Variants in GPR83 observed in about 807,000 individuals in gnomAD.
GPR83 encodes the protein G protein-coupled receptor 83, also known as G-protein coupled receptor 72.
A neutral mutation model predicts 28.0 loss-of-function variants in GPR83; 23 were observed. That is an observed-to-expected ratio of 0.82 (90% CI 0.59 to 1.16). GPR83 has a LOEUF of 1.16. GPR83 is among the 50% of genes most tolerant of loss of function. The pLI is 0.00. For synonymous variants in GPR83, 234 were observed against 215.4 expected (o/e 1.09, Z -0.76); for missense variants, 610 against 536.6 (o/e 1.14, Z -1.35).
intron 1 of GPR83, among the ~76,000 whole-genome samples, chr11:94,397,536 T>C (rs767945808): frequency 2.0e-5 from 3 of 152,116 alleles, no homozygotes; most frequent in Non-Finnish European, 4.4e-5. Context: ...TACAGCAGGG[T>C]GTTTGCCACT....
At chr11:94,389,951 A>G (rs1286625905) in intron 3 of GPR83, among the ~76,000 whole-genome samples, 1 of 152,232 alleles carries the variant, frequency 6.6e-6, no homozygotes, top group Non-Finnish European at 1.5e-5. Context: ...CTGGATTAAG[A>G]AAATGTGGCA....
rs1944666808 is a variant in GPR83 at position 94,379,879 on chromosome 11, G to A, written c.*270C>T. On this transcript the variant is annotated 3_prime_UTR_variant, in exon 4 of 4. Coordinates refer to ENST00000243673, the MANE Select transcript of GPR83 (RefSeq NM_016540.4). ...TTCAGCCCCCATCTGGGCCAACGTT[G>A]TCCTCGCTCCTCTTCCTCAGAGATA... 6.7e-6 allele frequency: 2 copies of A among 300,270 alleles called. No individual in the cohort carries two copies. The highest frequency in any genetic ancestry group is 2.5e-4 in the South Asian group (2 of 8,036). The allele number at this position is 300,270 out of a possible 1,614,324, so 18.6% of individuals were successfully genotyped here. A position where few individuals can be genotyped will look rare whatever the true frequency, so the allele number is the denominator to read the frequency against.
chr11:94,401,278 T>G lies in GPR83; in HGVS notation c.-31A>C. On this transcript the variant is annotated 5_prime_UTR_variant, in exon 1 of 4. Coordinates refer to ENST00000243673, the MANE Select transcript of GPR83 (RefSeq NM_016540.4). ...AGGAGCCACCCCTCCCCTGGGAGCC[T>G]GCGGGCCGGGCGTCCCCTCCCGCTG... The G allele has an allele frequency of 6.5e-7, 1 of 1,548,514 alleles. No homozygotes were observed. Among genetic ancestry groups the G allele is most frequent in the Non-Finnish European group, 8.7e-7 (1 of 1,153,736 alleles).
intron 3 of GPR83, among the ~76,000 whole-genome samples, chr11:94,382,612 TAGAC>T (rs1445683654): frequency 2.0e-5 from 3 of 152,214 alleles, no homozygotes; most frequent in East Asian, 3.9e-4. Context: ...CTGTCAATAT[TAGAC>T]AGATCAATGA....
At chr11:94,385,468 G>A (rs1378334190) in intron 3 of GPR83, among the ~76,000 whole-genome samples, 2 of 152,134 alleles carry the variant, frequency 1.3e-5, no homozygotes, top group Non-Finnish European at 2.9e-5. Flanking sequence ...TAGACTAATG[G>A]CTAACTAGAA....
intron 2 of GPR83, among the ~76,000 whole-genome samples, chr11:94,395,584 C>T (rs75858165): frequency 1.6e-4 from 25 of 152,326 alleles, no homozygotes; most frequent in East Asian, 1.2e-3. Context: ...TAGGTCTAAG[C>T]GTACAACGTG....
intron 2 of GPR83, among the ~76,000 whole-genome samples, chr11:94,395,389 G>T (rs1224919593): frequency 6.6e-6 from 1 of 152,130 alleles, no homozygotes; most frequent in Non-Finnish European, 1.5e-5. Context: ...TGTGTCTGGT[G>T]GCCCTCATAA....
chr11:94,389,423 C>T (rs1427209553), intron 3 of GPR83, among the ~76,000 whole-genome samples: 1 of 152,178 alleles, frequency 6.6e-6, no homozygotes, highest in Non-Finnish European at 1.5e-5. Context: ...GCAATCTACT[C>T]ATCTGACAAA....
In GPR83 at chr11:94,401,120, GAGA is replaced by G. The variant is rs778291972; in HGVS notation, c.125_127del (p.Phe42del). On this transcript the variant is annotated inframe_deletion, in exon 1 of 4. Coordinates refer to ENST00000243673, the MANE Select transcript of GPR83 (RefSeq NM_016540.4). ...GTCGGAGAAGGTGTAGTTGTTCCAA[GAGA>G]AGAAGTGCGAGGCATTGGGCACGGC... The G allele has an allele frequency of 1.5e-5, 25 of 1,614,116 alleles. No homozygotes were observed. Among genetic ancestry groups the G allele is most frequent in the African/African-American group, 8.0e-5 (6 of 74,956 alleles).
At chr11:94,398,338 C>T (rs951118276) in intron 1 of GPR83, among the ~76,000 whole-genome samples, 18 of 152,290 alleles carry the variant, frequency 1.2e-4, no homozygotes, top group South Asian at 8.3e-4. Context: ...CTCCGCTTCT[C>T]CCTCCCCTGC....
At chr11:94,393,429 G>A (rs749950798) in intron 3 of GPR83, 56 bp downstream of exon 3, 23 of 1,565,724 alleles carry the variant, frequency 1.5e-5, no homozygotes, top group Non-Finnish European at 1.7e-5. Flanking sequence ...CCTTGGTGGA[G>A]CCTGACTCAG....
chr11:94,400,430 GGGGAGA>G (rs1335723452), intron 1 of GPR83, among the ~76,000 whole-genome samples: 1 of 145,572 alleles, frequency 6.9e-6, no homozygotes, highest in African/African-American at 2.8e-5. Flanking sequence ...GAGGAGAGGT[GGGGAGA>G]GGAGAGGAGA....
At chr11:94,383,428 C>G (rs1326369420) in intron 3 of GPR83, among the ~76,000 whole-genome samples, 1 of 151,960 alleles carries the variant, frequency 6.6e-6, no homozygotes, top group African/African-American at 2.4e-5. Flanking sequence ...TAAAAGAACT[C>G]AAGAAGCAAC....
intron 3 of GPR83, among the ~76,000 whole-genome samples, chr11:94,387,663 C>A (rs925172055): frequency 1.4e-4 from 22 of 152,070 alleles, no homozygotes; most frequent in South Asian, 6.2e-4. Flanking sequence ...CAATAACAGG[C>A]TCTGAAATGG....
rs772496675 is a variant in GPR83, at chr11:94,380,779, G to T, written c.648-6C>A. On this transcript the variant is annotated splice_region_variant and splice_polypyrimidine_tract_variant and intron_variant, in intron 3 of 3. Coordinates refer to ENST00000243673, the MANE Select transcript of GPR83 (RefSeq NM_016540.4). ...GGGAGCGCACAATGTCCTCACTGGGGGCAGGAAGTGGGGAGGGGGAGAGAG... is the reference window on the plus strand; with the variant it reads ...GGGAGCGCACAATGTCCTCACTGGGTGCAGGAAGTGGGGAGGGGGAGAGAG... 6.2e-6 allele frequency: 10 copies of T among 1,601,788 alleles called. No homozygotes were observed. Among genetic ancestry groups the T allele is most frequent in the Non-Finnish European group, 8.5e-6 (10 of 1,173,784 alleles).
chr11:94,393,840 C>A (rs931332017), intron 2 of GPR83, among the ~76,000 whole-genome samples: 15 of 152,074 alleles, frequency 9.9e-5, no homozygotes, highest in Admixed American at 2.0e-4. Flanking sequence ...AAAAAGAAAT[C>A]TGGATGGCAC....
At chr11:94,385,901 T>G (rs1303881456) in intron 3 of GPR83, among the ~76,000 whole-genome samples, 1 of 152,172 alleles carries the variant, frequency 6.6e-6, no homozygotes, top group Non-Finnish European at 1.5e-5. Flanking sequence ...AATTGTCAGA[T>G]TCACTGAAGT....
chr11:94,387,722 G>A (rs1241655508), intron 3 of GPR83, among the ~76,000 whole-genome samples: 1 of 152,180 alleles, frequency 6.6e-6, no homozygotes, highest in African/African-American at 2.4e-5. Context: ...GGACCAGACG[G>A]ATTCACAGCC....
At chr11:94,399,411 T>G (rs893555508) in intron 1 of GPR83, among the ~76,000 whole-genome samples, 4 of 152,148 alleles carry the variant, frequency 2.6e-5, no homozygotes, top group Non-Finnish European at 5.9e-5. Flanking sequence ...AGCTGGCTGG[T>G]TAGTGGACCG....
Sources: allele counts gnomAD v4.1 joint callset (sites outside exome capture counted in the v4.1 genomes callset), GRCh38; gene constraint gnomAD v4.1.1; transcripts MANE v1.5; gene names NCBI Gene and HGNC (gene_info 2026-07-23, HGNC 2026-07-21).